The following USP54 variants were observed in gnomAD, a reference collection of about 807,000 sequenced individuals.
USP54 encodes ubiquitin carboxyl-terminal hydrolase 54.
In USP54, 87 loss-of-function variants were observed where a neutral mutation model predicts 170.5. That is an observed-to-expected ratio of 0.51 (90% CI 0.43 to 0.61). The LOEUF is 0.61. Ranked by LOEUF, USP54 falls within the 20% of genes least tolerant of loss-of-function variation. USP54 has a pLI of 0.00. For missense variants in USP54, 1,786 were observed against 2,047.8 expected, an observed-to-expected ratio of 0.87 and a Z score of 2.47; for synonymous variants, 655 against 742.8, an observed-to-expected ratio of 0.88 and a Z score of 1.92.
intron 19 of USP54, chr10:73,518,187 A>G (rs2061347170): frequency 1.0e-6 from 1 of 985,450 alleles, no homozygotes. Flanking sequence ...GGCAAGTCCT[A>G]CCTGGGGTCC....
intron 19 of USP54, chr10:73,518,172 A>T: frequency 1.0e-6 from 1 of 985,434 alleles, no homozygotes; most frequent in Non-Finnish European, 1.2e-6. Flanking sequence ...GATGCTATAC[A>T]GGGAGGCAAG....
Position 73,530,268 on chromosome 10 carries a change from G to C in USP54, c.1703C>G (p.Ser568Cys). 6.2e-7 allele frequency: 1 copy of C among 1,614,186 alleles called. No individual in the cohort carries two copies. The highest frequency in any genetic ancestry group is 1.1e-5 in the South Asian group (1 of 91,080). The change falls in exon 14 of 24, where the codon TCT becomes TGT. Residue 568 changes from serine to cysteine, a missense_variant. Coordinates refer to ENST00000687698, the MANE Select transcript of USP54 (RefSeq NM_001391956.1). ...CCATGTGGGACGATACTTGCTGGAA[G>C]AACTGGATTTTGACTCACTGCTGGT... The part of the protein sequence containing the change: ...ESTSSESKSS[S>C]SSKYRPTWRP...
intron 9 of USP54, among the ~76,000 whole-genome samples, chr10:73,539,972 AAAAATCAGCTGGG>A (rs2066235792): frequency 6.6e-6 from 1 of 152,084 alleles, no homozygotes. Context: ...CTAAAAATAC[AAAAATCAGCTGGG>A]TGTGGTGGTG....
At chr10:73,510,212 G>A (rs1042984642) in intron 20 of USP54, among the ~76,000 whole-genome samples, 3 of 152,024 alleles carry the variant, frequency 2.0e-5, no homozygotes, top group Admixed American at 1.3e-4. Flanking sequence ...GCACGTGCCT[G>A]TAGTCCCAGC....
intron 1 of USP54, 34 bp downstream of exon 1, chr10:73,591,244 T>G (rs1406507818): frequency 1.3e-5 from 2 of 152,198 alleles, no homozygotes; most frequent in Admixed American, 6.6e-5. Context: ...ATCTTCTATC[T>G]ATCTGTTTTT....
At chr10:73,599,733 ATATATT>A (rs143313530) in intron 1 of USP54, among the ~76,000 whole-genome samples, 5,339 of 152,104 alleles carry the variant, frequency 0.035, 148 homozygotes, top group South Asian at 0.11. Flanking sequence ...ATAATAATCT[ATATATT>A]TATTTTTTGT....
intron 1 of USP54, among the ~76,000 whole-genome samples, chr10:73,623,499 A>G (rs2081249545): frequency 6.7e-6 from 1 of 148,910 alleles, no homozygotes; most frequent in South Asian, 2.1e-4. Flanking sequence ...CTAAAAATAA[A>G]TCAGCTGGGC....
At position 73,516,757 on chromosome 10, in the gene USP54, T is replaced by A. The variant is rs1454740654; in HGVS notation, c.3669A>T (p.Gly1223=). The A allele has an allele frequency of 3.1e-6, 5 of 1,614,144 alleles. No individual in the cohort carries two copies. The highest frequency in any genetic ancestry group is 4.2e-6 in the Non-Finnish European group (5 of 1,180,024). ...GLPNGETSSG[G]QPRLAEPDIY... is the part of the protein sequence containing the mutation. ...TGTCTGGCTCTGCCAACCTGGGCTG[T>A]CCTCCGCTAGAAGTTTCACCATTAG... Residue 1223 remains glycine, a synonymous_variant, in exon 20 of 24, where the codon GGA becomes GGT. Coordinates refer to ENST00000687698, the MANE Select transcript of USP54 (RefSeq NM_001391956.1).
At chr10:73,534,794 T>C (rs774496144) in intron 11 of USP54, 24 bp from the exon 12 acceptor site, 9 of 1,606,706 alleles carry the variant, frequency 5.6e-6, no homozygotes, top group South Asian at 2.2e-5. Flanking sequence ...GAAACACATA[T>C]GCAAAAAGTG....
At chr10:73,625,106 A>C (rs998102145) in intron 1 of USP54, among the ~76,000 whole-genome samples, 5 of 152,292 alleles carry the variant, frequency 3.3e-5, no homozygotes, top group African/African-American at 1.2e-4. Context: ...TGTACACTTG[A>C]ATGAGTCTGG....
intron 19 of USP54, chr10:73,518,827 T>G (rs1397692214): frequency 6.6e-6 from 1 of 151,318 alleles, no homozygotes; most frequent in Admixed American, 6.6e-5. Flanking sequence ...GGCTAACCGA[T>G]TCTTCCACCC....
At chr10:73,574,554 A>C (rs1240746435) in intron 3 of USP54, among the ~76,000 whole-genome samples, 3 of 152,168 alleles carry the variant, frequency 2.0e-5, no homozygotes, top group Non-Finnish European at 2.9e-5. Flanking sequence ...AGGCAGGCGG[A>C]TCACTTGAGG....
At chr10:73,535,623 T>G (rs995722408) in intron 11 of USP54, among the ~76,000 whole-genome samples, 2 of 152,188 alleles carry the variant, frequency 1.3e-5, no homozygotes, top group Admixed American at 1.3e-4. Context: ...AAAATTGTTT[T>G]TACAGAAAGT....
rs1178699732 is a variant in USP54, at chr10:73,606,175, C to CAAAAAAAAAAA, written c.-18+19381_-18+19391dup. 1.6e-4 allele frequency among the ~76,000 whole-genome samples: 4 copies of CAAAAAAAAAAA among 25,622 alleles called. 1 individual carries two copies. Among genetic ancestry groups the CAAAAAAAAAAA allele is most frequent in the East Asian group, 2.0e-3 (2 of 1,018 alleles). 16.8% of individuals were successfully genotyped at this position (25,622 alleles called of 152,430 possible). On this transcript the variant is annotated intron_variant, in intron 1 of 22. Transcript: ENST00000339859. ...CCTGGGCGACAGAGTGAGGCTGTCT[C>CAAAAAAAAAAA]AAAAAAAAAAAAAAAAAAAAAAAAA...
At chr10:73,573,506 G>A (rs1307340530) in intron 3 of USP54, among the ~76,000 whole-genome samples, 1 of 151,986 alleles carries the variant, frequency 6.6e-6, no homozygotes, top group Non-Finnish European at 1.5e-5. Context: ...GCTCACGCCT[G>A]TAAGCCCAGC....
chr10:73,508,944 T>C (rs948815935), intron 20 of USP54, among the ~76,000 whole-genome samples: 1 of 151,310 alleles, frequency 6.6e-6, no homozygotes, highest in East Asian at 1.9e-4. Flanking sequence ...GGATTACAGG[T>C]GTGAGCCAGT....
chr10:73,522,903 A>G (rs559839932), intron 17 of USP54, among the ~76,000 whole-genome samples: 60 of 152,346 alleles, frequency 3.9e-4, no homozygotes, highest in African/African-American at 1.3e-3. Context: ...ATTTGTTGTA[A>G]GTGGGGTTTC....
Position 73,503,010 on chromosome 10 carries a change from T to G in USP54, c.4311+1840A>C, listed in dbSNP as rs556868194. Among the ~76,000 whole-genome samples the G allele has an allele frequency of 1.5e-4, 23 of 152,316 alleles. No homozygotes were observed. In the South Asian group the frequency reaches 4.8e-3, roughly 32 times the overall value. On this transcript the variant is annotated intron_variant, in intron 22 of 23. Coordinates refer to ENST00000687698, the MANE Select transcript of USP54 (RefSeq NM_001391956.1). ...GGCACCAACTCCCACTGATGTTTAC[T>G]TCCTAACTGGGTCTCAAATACATCG...
At position 73,498,083 on chromosome 10, in the gene USP54, T is replaced by A. The variant is rs2057363530; in HGVS notation, c.*546A>T. On this transcript the variant is annotated 3_prime_UTR_variant, in exon 24 of 24. Transcript: ENST00000687698. ...TTTAAAGTGGCTCAGATAAAACCCTTAAACAGCAGCTGCTTCCTTTTGCTA... is the reference window on the plus strand; with the variant it reads ...TTTAAAGTGGCTCAGATAAAACCCTAAAACAGCAGCTGCTTCCTTTTGCTA... The A allele has an allele frequency of 6.6e-6, 1 of 152,468 alleles. No individual in the cohort carries two copies. Among genetic ancestry groups the A allele is most frequent in the Non-Finnish European group, 1.5e-5 (1 of 68,288 alleles). 9.4% of individuals were successfully genotyped at this position (152,468 alleles called of 1,614,324 possible). A position where few individuals can be genotyped will look rare whatever the true frequency, so the allele number is the denominator to read the frequency against.
Sources: allele counts gnomAD v4.1 joint callset (sites outside exome capture counted in the v4.1 genomes callset), GRCh38; gene constraint gnomAD v4.1.1; transcripts MANE v1.5; gene names NCBI Gene and HGNC (gene_info 2026-07-23, HGNC 2026-07-21).